SLC24A2: variants seen among roughly 807,000 people sequenced by gnomAD.
The protein encoded by SLC24A2 is sodium/potassium/calcium exchanger 2.
Under a neutral mutation model 62.0 loss-of-function variants are expected in SLC24A2, and 36 were observed. That is an observed-to-expected ratio of 0.58 (90% confidence interval 0.44 to 0.77). The LOEUF (loss-of-function observed/expected upper bound fraction) is 0.77, where lower values mean the gene tolerates loss of function less well. Ranked by LOEUF, SLC24A2 falls within the 30% of genes least tolerant of loss-of-function variation. The pLI, the probability that SLC24A2 is intolerant of heterozygous loss-of-function variation, is 0.00. For synonymous variants in SLC24A2, 358 were observed against 294.0 expected (o/e 1.22, Z -2.23); for missense variants, 846 against 817.9 (o/e 1.03, Z -0.42).
At chr9:20,210,544 G>T in the SLC24A2 span, among the ~76,000 whole-genome samples, 1 of 151,142 alleles carries the variant, frequency 6.6e-6, no homozygotes, top group Admixed American at 6.6e-5. Context: ...CGCGATCTCG[G>T]CTCACTGCAA....
intron 2 of SLC24A2, among the ~76,000 whole-genome samples, chr9:19,744,982 A>G (rs1821790414): frequency 6.6e-6 from 1 of 152,194 alleles, no homozygotes; most frequent in South Asian, 2.1e-4. Flanking sequence ...GACATTTGTC[A>G]TCCAAATCTC....
intron 2 of SLC24A2, among the ~76,000 whole-genome samples, chr9:19,694,335 A>G (rs1820125239): frequency 6.6e-6 from 1 of 152,194 alleles, no homozygotes; most frequent in South Asian, 2.1e-4. Context: ...TACAGATTAC[A>G]TTTATGTAAG....
chr9:19,907,170 A>G, the SLC24A2 span, among the ~76,000 whole-genome samples: 2 of 152,238 alleles, frequency 1.3e-5, no homozygotes, highest in Non-Finnish European at 2.9e-5. Context: ...GGCTGGTTCA[A>G]CATACGAAAA....
the SLC24A2 span, among the ~76,000 whole-genome samples, chr9:19,840,951 A>G: frequency 2.0e-5 from 3 of 152,150 alleles, no homozygotes; most frequent in East Asian, 1.9e-4. Flanking sequence ...TTGATGAGTA[A>G]TTTTCCATTG....
chr9:20,244,083 G>C, the SLC24A2 span, among the ~76,000 whole-genome samples: 1 of 152,176 alleles, frequency 6.6e-6, no homozygotes, highest in Non-Finnish European at 1.5e-5. Flanking sequence ...AATCCATGGA[G>C]TCTGGGCCAC....
At position 19,508,858 on chromosome 9, in the gene SLC24A2, A is replaced by ACAT. The variant is rs765619698; in HGVS notation, c.*7292_*7294dup. On this transcript the variant is annotated 3_prime_UTR_variant, in exon 11 of 11. Coordinates refer to ENST00000341998, the MANE Select transcript of SLC24A2 (RefSeq NM_020344.4). The stretch of plus-strand genomic sequence containing the variant: ...AACATTAAAGTTTTTAGTTGTGGGG[A>ACAT]CATCTTTATATATGTGTGTGTAAAC... 16 of 152,110 alleles carry ACAT rather than the reference A, an allele frequency of 1.1e-4. 1 individual carries two copies. The highest frequency in any genetic ancestry group is 7.2e-4 in the Admixed American group (11 of 15,266). 9.4% of individuals were successfully genotyped at this position (152,110 alleles called of 1,614,324 possible).
intron 8 of SLC24A2, among the ~76,000 whole-genome samples, chr9:19,537,254 G>A (rs1303585691): frequency 7.0e-6 from 1 of 142,616 alleles, no homozygotes; most frequent in African/African-American, 2.6e-5. Context: ...TGCTTTTGGT[G>A]TATTGGACAT....
chr9:19,668,020 A>C (rs908555315), intron 2 of SLC24A2, among the ~76,000 whole-genome samples: 1 of 152,002 alleles, frequency 6.6e-6, no homozygotes, highest in African/African-American at 2.4e-5. Context: ...TTAATGTTTT[A>C]ATTCCCACAT....
At chr9:19,669,461 A>G in intron 2 of SLC24A2, among the ~76,000 whole-genome samples, 1 of 152,224 alleles carries the variant, frequency 6.6e-6, no homozygotes, top group East Asian at 1.9e-4. Flanking sequence ...AATTGCTACC[A>G]CAATAAATAA....
At chr9:20,196,210 T>A in the SLC24A2 span, among the ~76,000 whole-genome samples, 2 of 152,198 alleles carry the variant, frequency 1.3e-5, no homozygotes, top group African/African-American at 4.8e-5. Context: ...AATCTTTGAA[T>A]CTGAAATCCA....
At chr9:19,535,953 A>G (rs1260231589) in intron 8 of SLC24A2, among the ~76,000 whole-genome samples, 3 of 152,094 alleles carry the variant, frequency 2.0e-5, no homozygotes, top group Admixed American at 6.5e-5. Flanking sequence ...TTTTCATGAT[A>G]GTGATTCTTC....
chr9:20,245,456 G>C, the SLC24A2 span, among the ~76,000 whole-genome samples: 1,384 of 152,310 alleles, frequency 9.1e-3, 7 homozygotes, highest in South Asian at 0.013. Flanking sequence ...GTCCAGTATG[G>C]GTAGAGCATG....
chr9:20,230,007 G>C, the SLC24A2 span, among the ~76,000 whole-genome samples: 1 of 151,714 alleles, frequency 6.6e-6, no homozygotes, highest in African/African-American at 2.4e-5. Context: ...CCTTGTGATA[G>C]TTTGCTGGGA....
the SLC24A2 span, among the ~76,000 whole-genome samples, chr9:20,072,035 C>T: frequency 6.6e-6 from 1 of 152,138 alleles, no homozygotes; most frequent in East Asian, 1.9e-4. Context: ...TTAGGGTGTG[C>T]CACCCTCCTG....
At chr9:20,116,699 G>A in the SLC24A2 span, among the ~76,000 whole-genome samples, 1 of 152,090 alleles carries the variant, frequency 6.6e-6, no homozygotes, top group Non-Finnish European at 1.5e-5. Context: ...GCATACTTAT[G>A]GAATGTGTAT....
chr9:19,578,461 TA>T (rs1279259817), intron 5 of SLC24A2, among the ~76,000 whole-genome samples: 1 of 151,462 alleles, frequency 6.6e-6, no homozygotes, highest in Non-Finnish European at 1.5e-5. Context: ...ATTCAAGGTA[TA>T]AAAAAATTCT....
chr9:19,776,057 G>A (rs1822836044), intron 2 of SLC24A2, among the ~76,000 whole-genome samples: 1 of 152,182 alleles, frequency 6.6e-6, no homozygotes, highest in Admixed American at 6.5e-5. Context: ...ATCTTTATAT[G>A]GATATGTAAA....
the SLC24A2 span, among the ~76,000 whole-genome samples, chr9:20,285,285 T>C: frequency 6.6e-6 from 1 of 152,226 alleles, no homozygotes; most frequent in Non-Finnish European, 1.5e-5. Flanking sequence ...ATAGGATGTA[T>C]ATATAATATG....
intron 2 of SLC24A2, among the ~76,000 whole-genome samples, chr9:19,678,118 C>G (rs545733785): frequency 6.6e-6 from 1 of 152,296 alleles, no homozygotes. Flanking sequence ...AGGCTAATAA[C>G]TGACTCCCAG....
Sources: allele counts gnomAD v4.1 joint callset (sites outside exome capture counted in the v4.1 genomes callset), GRCh38; gene constraint gnomAD v4.1.1; transcripts MANE v1.5; gene names NCBI Gene and HGNC (gene_info 2026-07-23, HGNC 2026-07-21).